ZNF510: variants seen among roughly 807,000 people sequenced by gnomAD.
ZNF510 encodes the protein zinc finger protein 510.
In ZNF510, 15 loss-of-function variants were observed where a neutral mutation model predicts 18.1. That is an observed-to-expected ratio of 0.83 (90% CI 0.55 to 1.28). The LOEUF (loss-of-function observed/expected upper bound fraction) is 1.28. ZNF510 is among the 50% of genes most tolerant of loss of function. ZNF510 has a pLI of 0.00. For synonymous variants in ZNF510, 261 were observed against 266.4 expected (o/e 0.98, Z 0.20); for missense variants, 724 against 791.8 (o/e 0.91, Z 1.03).
intron 1 of ZNF510, among the ~76,000 whole-genome samples, chr9:96,776,531 G>A (rs1423329741): frequency 6.6e-6 from 1 of 152,174 alleles, no homozygotes; most frequent in African/African-American, 2.4e-5. Context: ...TCCCAGGACT[G>A]TGGGAGGCCA....
intron 5 of ZNF510, among the ~76,000 whole-genome samples, chr9:96,762,223 AAAG>A (rs1368579296): frequency 0.024 from 3,492 of 146,968 alleles, 138 homozygotes; most frequent in African/African-American, 0.088. Flanking sequence ...AAAAAAAAAA[AAAG>A]AGGCCAGGCA....
chr9:96,770,267 C>T (rs1173150014), intron 3 of ZNF510, among the ~76,000 whole-genome samples: 1 of 151,976 alleles, frequency 6.6e-6, no homozygotes, highest in African/African-American at 2.4e-5. Context: ...CATGGATGAA[C>T]CTTGAAAACA....
At chr9:96,763,015 G>T in intron 5 of ZNF510, 103 bp downstream of exon 5, 4 of 904,840 alleles carry the variant, frequency 4.4e-6, no homozygotes, top group Non-Finnish European at 7.3e-6. Context: ...GTGCCTTTAG[G>T]CTTTCTAAGA....
chr9:96,763,852 T>C (rs568542587), intron 3 of ZNF510, among the ~76,000 whole-genome samples: 5 of 152,248 alleles, frequency 3.3e-5, no homozygotes, highest in African/African-American at 1.2e-4. Context: ...TCCCAGCACT[T>C]TGGGAGGCCA....
rs1450664792 is a variant in ZNF510, at chr9:96,763,615, C to T, written c.147G>A (p.Lys49=). The T allele has an allele frequency of 6.2e-7, 1 of 1,612,088 alleles. No individual in the cohort carries two copies. The highest frequency in any genetic ancestry group is 1.7e-5 in the Admixed American group (1 of 59,634). The change falls in exon 4 of 6, where the codon AAG becomes AAA. Residue 49 remains lysine (K), a synonymous_variant. Coordinates refer to ENST00000223428, the MANE Select transcript of ZNF510 (RefSeq NM_014930.3). ...MNISQASVSF[K]DVTIEFTQEE... Reference sequence around the variant, plus strand: ...CCTGGGTGAATTCTATAGTCACGTCCTTGAATGACACTGATGCCTGTAACA... The same window carrying T: ...CCTGGGTGAATTCTATAGTCACGTCTTTGAATGACACTGATGCCTGTAACA...
chr9:96,777,150 A>T (rs1849719835), intron 1 of ZNF510, among the ~76,000 whole-genome samples: 1 of 152,216 alleles, frequency 6.6e-6, no homozygotes, highest in South Asian at 2.1e-4. Flanking sequence ...ACAGCACAGG[A>T]GGTGGCAGGG....
intron 3 of ZNF510, among the ~76,000 whole-genome samples, chr9:96,768,984 G>A (rs1042316163): frequency 1.3e-5 from 2 of 152,114 alleles, no homozygotes; most frequent in East Asian, 1.9e-4. Flanking sequence ...CATAAATACA[G>A]ACATACAGAT....
Position 96,769,437 on chromosome 9 carries a change from C to CAAA in ZNF510, c.129+5348_129+5350dup, listed in dbSNP as rs71485393. The stretch of plus-strand genomic sequence containing the variant: ...GGGCAACAGACAAAGATTCCGTCTC[C>CAAA]AAAAAAAAAAAAAATTGGCCTTAAA... On this transcript the variant is annotated intron_variant, in intron 3 of 5. Coordinates refer to ENST00000223428, the MANE Select transcript of ZNF510 (RefSeq NM_014930.3). 2.3e-3 allele frequency among the ~76,000 whole-genome samples: 291 copies of CAAA among 126,322 alleles called. 3 individuals carry two copies. The highest frequency in any genetic ancestry group is 8.6e-3 in the African/African-American group (272 of 31,494). The allele number at this position is 126,322 out of a possible 152,430, so 82.9% of individuals were successfully genotyped here.
At chr9:96,772,870 G>A (rs1364629796) in intron 3 of ZNF510, among the ~76,000 whole-genome samples, 1 of 152,084 alleles carries the variant, frequency 6.6e-6, no homozygotes, top group Non-Finnish European at 1.5e-5. Flanking sequence ...CCATTTCTAA[G>A]TATATCCCAA....
At position 96,759,317 on chromosome 9, in the gene ZNF510, C is replaced by G; in HGVS notation, c.1513G>C (p.Asp505His). ...KTFVQKSTLRDHHRIHTGEKS... is the reference protein window; with the variant it reads ...KTFVQKSTLRHHHRIHTGEKS... The stretch of plus-strand genomic sequence containing the variant: ...TCCCCTGTGTGAATTCTGTGATGAT[C>G]TCTGAGGGTGGACTTCTGAACAAAA... Residue 505 changes from aspartate (D) to histidine (H), a missense_variant, in exon 6 of 6, where the codon GAT becomes CAT. Transcript: ENST00000223428. 4 of 1,614,114 alleles carry G rather than the reference C, an allele frequency of 2.5e-6. No homozygotes were observed. Among genetic ancestry groups the G allele is most frequent in the Non-Finnish European group, 3.4e-6 (4 of 1,179,996 alleles).
At chr9:96,774,255 C>G (rs1325058028) in intron 3 of ZNF510, among the ~76,000 whole-genome samples, 1 of 152,234 alleles carries the variant, frequency 6.6e-6, no homozygotes, top group Non-Finnish European at 1.5e-5. Context: ...TCTCTCCTTT[C>G]TTTGACAGTC....
chr9:96,762,601 G>T (rs73656948), intron 5 of ZNF510, among the ~76,000 whole-genome samples: 8,972 of 152,038 alleles, frequency 0.059, 873 homozygotes, highest in African/African-American at 0.2. Flanking sequence ...GTGGATAAGG[G>T]TGTCTAACAT....
intron 4 of ZNF510, 81 bp downstream of exon 4, chr9:96,763,425 A>G: frequency 6.7e-7 from 1 of 1,485,176 alleles, no homozygotes; most frequent in Non-Finnish European, 9.1e-7. Context: ...ACTTTAAGTA[A>G]ATTGTTCACA....
At chr9:96,773,725 G>C (rs10978916) in intron 3 of ZNF510, among the ~76,000 whole-genome samples, 1 of 152,072 alleles carries the variant, frequency 6.6e-6, no homozygotes, top group African/African-American at 2.4e-5. Context: ...ACAGGCACCC[G>C]CCACCACGCC....
rs530663170 is a variant in ZNF510, at chr9:96,766,662, AT to A, written c.130-3031del. Among the ~76,000 whole-genome samples the A allele has an allele frequency of 2.4e-3, 361 of 152,332 alleles. 3 individuals are homozygous for A. Among genetic ancestry groups the A allele is most frequent in the African/African-American group, 8.2e-3 (342 of 41,548 alleles). ...GCACATTAAAAAAAAAGGACAGTCT[AT>A]CTCACTAAATTACAAAAAATTACAA... is the stretch of plus-strand genomic sequence containing the variant. On this transcript the variant is annotated intron_variant, in intron 3 of 5. Transcript: ENST00000223428.
At position 96,775,105 on chromosome 9, in the gene ZNF510, G is replaced by A. The variant is rs576294470; in HGVS notation, c.71-259C>T. On this transcript the variant is annotated intron_variant, in intron 2 of 5. Coordinates refer to ENST00000223428, the MANE Select transcript of ZNF510 (RefSeq NM_014930.3). ...GACAGGATCTGGCTCTGTTGCCCAG[G>A]CTGGAGTGCAGCGGTGTGATCTCAG... Among the ~76,000 whole-genome samples, 6 of 151,798 alleles carry A rather than the reference G, an allele frequency of 4.0e-5. No individual in the cohort carries two copies. The South Asian group carries it at 1.3e-3, about 32-fold the overall frequency.
chr9:96,775,502 G>A lies in ZNF510; in HGVS notation c.70+498C>T, dbSNP rs1481555682. Among the ~76,000 whole-genome samples the A allele has an allele frequency of 2.0e-5, 3 of 152,028 alleles. No individual in the cohort carries two copies. In the East Asian group the frequency reaches 5.8e-4, roughly 29 times the overall value. The stretch of plus-strand genomic sequence containing the variant: ...TTACACCAATAGAAAACACAAAACT[G>A]AAAAAAAGGAGATGCTGAAAGACTA... On this transcript the variant is annotated intron_variant, in intron 2 of 5. Transcript: ENST00000223428.
intron 2 of ZNF510, among the ~76,000 whole-genome samples, chr9:96,775,351 G>A (rs1397361861): frequency 1.3e-5 from 2 of 152,050 alleles, no homozygotes; most frequent in African/African-American, 4.8e-5. Context: ...TGAGCCACCA[G>A]GCCTGGCCCC....
At chr9:96,775,866 G>A (rs1431060108) in intron 2 of ZNF510, 134 bp downstream of exon 2, 4 of 1,129,670 alleles carry the variant, frequency 3.5e-6, no homozygotes, top group East Asian at 5.5e-5. Context: ...GGGGCTCTAT[G>A]AGGAGGATTA....
Sources: gnomAD v4.1 joint callset for allele counts (sites outside exome capture counted in the v4.1 genomes callset) on GRCh38, gnomAD v4.1.1 for gene constraint, MANE v1.5 for transcripts, NCBI Gene and HGNC (gene_info 2026-07-23, HGNC 2026-07-21) for gene names.